Variants in FAM177A1 observed in about 807,000 individuals in gnomAD.
The protein encoded by FAM177A1 is family with sequence similarity 177 member A1.
In FAM177A1, 22 loss-of-function variants were observed where a neutral mutation model predicts 26.1. The observed-to-expected ratio is 0.84, with a 90% CI of 0.60 to 1.20. The LOEUF (loss-of-function observed/expected upper bound fraction) is 1.20. Ranked by LOEUF, FAM177A1 falls within the 50% of genes most tolerant of loss-of-function variation. The probability of loss-of-function intolerance (pLI) is 0.00; values close to 1 mark genes in which losing one functional copy is unlikely to be tolerated. For synonymous variants in FAM177A1, 95 were observed against 99.3 expected, an observed-to-expected ratio of 0.96 and a Z score of 0.26; for missense variants, 296 against 291.1, an observed-to-expected ratio of 1.02 and a Z score of -0.12.
chr14:35,058,054 T>TTTA (rs1185501722), intron 2 of FAM177A1, among the ~76,000 whole-genome samples: 111 of 151,780 alleles, frequency 7.3e-4, no homozygotes, highest in African/African-American at 1.9e-3. Flanking sequence ...TGTCCTACTT[T>TTTA]TTATTATTAT....
intron 2 of FAM177A1, among the ~76,000 whole-genome samples, chr14:35,067,539 A>G (rs1394307522): frequency 3.3e-5 from 5 of 152,302 alleles, no homozygotes; most frequent in Admixed American, 3.3e-4. Flanking sequence ...CTTTCAATAT[A>G]TATTCAGAAA....
chr14:35,050,895 C>G (rs747175166), intron 1 of FAM177A1: 2 of 152,082 alleles, frequency 1.3e-5, no homozygotes, highest in Non-Finnish European at 2.9e-5. Context: ...GTAGGGATGG[C>G]TGTCAGTGCC....
upstream of FAM177A1, among the ~76,000 whole-genome samples, chr14:35,045,392 GAGA>G (rs961519542): frequency 1.3e-5 from 2 of 152,268 alleles, no homozygotes. Context: ...AGAGGGTAAG[GAGA>G]AGAACTTTGG....
intron 2 of FAM177A1, among the ~76,000 whole-genome samples, chr14:35,071,369 A>C (rs2045319323): frequency 3.3e-5 from 5 of 152,210 alleles, no homozygotes; most frequent in Admixed American, 3.3e-4. Context: ...TGTTTTAATA[A>C]GAAAAGGTAG....
At chr14:35,070,511 G>T (rs1207936954) in intron 2 of FAM177A1, among the ~76,000 whole-genome samples, 1 of 151,690 alleles carries the variant, frequency 6.6e-6, no homozygotes, top group African/African-American at 2.4e-5. Context: ...TGTATTTTTG[G>T]TAGAGACAGG....
intron 2 of FAM177A1, among the ~76,000 whole-genome samples, chr14:35,062,678 CTT>C (rs1178835216): frequency 6.6e-6 from 1 of 151,750 alleles, no homozygotes. Context: ...TGCCTATAAT[CTT>C]TGCTTTGGAG....
Position 35,069,228 on chromosome 14 carries a change from T to C in FAM177A1, c.340-7922T>C, listed in dbSNP as rs533020261. Among the ~76,000 whole-genome samples, 5 of 152,162 alleles carry C rather than the reference T, an allele frequency of 3.3e-5. No homozygotes were observed. The East Asian group carries it at 7.7e-4, about 23-fold the overall frequency. On this transcript the variant is annotated intron_variant, in intron 2 of 4. Transcript: ENST00000280987. ...ACCATTACCAGCCAGTTTGAATGTA[T>C]CGTTGGGTTTCCTGCCATAGACCAA...
chr14:35,077,377 C>T (rs2045412391), intron 3 of FAM177A1, among the ~76,000 whole-genome samples, 161 bp downstream of exon 3: 1 of 150,690 alleles, frequency 6.6e-6, no homozygotes, highest in Admixed American at 6.6e-5. Flanking sequence ...CTAACTTGTA[C>T]TTCACATTAA....
At chr14:35,047,610 G>A (rs1007553982) in intron 1 of FAM177A1, among the ~76,000 whole-genome samples, 1 of 152,162 alleles carries the variant, frequency 6.6e-6, no homozygotes, top group East Asian at 1.9e-4. Flanking sequence ...TTAGCTGGGC[G>A]TGGTGGCGCT....
chr14:35,072,254 GAC>G (rs2045332969), intron 2 of FAM177A1, among the ~76,000 whole-genome samples: 1 of 151,944 alleles, frequency 6.6e-6, no homozygotes, highest in African/African-American at 2.4e-5. Context: ...CAGCCTGGGT[GAC>G]AAAGAAAAGA....
intron 2 of FAM177A1, among the ~76,000 whole-genome samples, chr14:35,071,071 A>G (rs2138560115): frequency 6.6e-6 from 1 of 150,646 alleles, no homozygotes; most frequent in African/African-American, 2.4e-5. Flanking sequence ...ATCTCAGCTC[A>G]CTGCAAGCTC....
intron 2 of FAM177A1, among the ~76,000 whole-genome samples, chr14:35,065,330 G>C (rs1240738954): frequency 6.8e-6 from 1 of 147,890 alleles, no homozygotes; most frequent in African/African-American, 2.5e-5. Flanking sequence ...AATGTATTCA[G>C]CCACTCAGGA....
intron 2 of FAM177A1, among the ~76,000 whole-genome samples, chr14:35,055,447 T>G (rs1048226619): frequency 8.6e-5 from 13 of 151,810 alleles, no homozygotes; most frequent in African/African-American, 7.3e-5. Flanking sequence ...AACTGTTTTT[T>G]TTTTTTTTTT....
intron 2 of FAM177A1, among the ~76,000 whole-genome samples, chr14:35,054,237 A>G (rs930690327): frequency 6.6e-6 from 1 of 152,152 alleles, no homozygotes; most frequent in Non-Finnish European, 1.5e-5. Flanking sequence ...AAACAAAACA[A>G]AAGTTTGCTT....
intron 1 of FAM177A1, among the ~76,000 whole-genome samples, chr14:35,048,965 A>G (rs1378393508): frequency 6.7e-6 from 1 of 149,366 alleles, no homozygotes; most frequent in Non-Finnish European, 1.5e-5. Context: ...ATCTTGGCTC[A>G]CTGCAACCTC....
At position 35,081,261 on chromosome 14, in the gene FAM177A1, G is replaced by GTTT; in HGVS notation, c.*43_*45dup. The GTTT allele has an allele frequency of 4.6e-5, 57 of 1,250,598 alleles. No individual in the cohort carries two copies. Among genetic ancestry groups the GTTT allele is most frequent in the Admixed American group, 1.4e-4 (5 of 35,994 alleles). 77.5% of individuals were successfully genotyped at this position (1,250,598 alleles called of 1,614,324 possible). A position where few individuals can be genotyped will look rare whatever the true frequency, so the allele number is the denominator to read the frequency against. ...TGACTATCAAGCTTCAAACTCTTAA[G>GTTT]TTTTTTTTTTTTAATACAAAAACTT... On this transcript the variant is annotated 3_prime_UTR_variant, in exon 5 of 5. Transcript: ENST00000280987.
At chr14:35,075,868 CAG>C (rs2045386573) in intron 2 of FAM177A1, among the ~76,000 whole-genome samples, 1 of 152,206 alleles carries the variant, frequency 6.6e-6, no homozygotes, top group African/African-American at 2.4e-5. Context: ...CACTGGCCAT[CAG>C]AGAAATGCAA....
At chr14:35,072,671 C>G (rs2045340422) in intron 2 of FAM177A1, among the ~76,000 whole-genome samples, 2 of 152,132 alleles carry the variant, frequency 1.3e-5, no homozygotes, top group Admixed American at 1.3e-4. Context: ...GCCCTTCTGC[C>G]AGATTGTCTA....
intron 1 of FAM177A1, 44 bp from the exon 2 acceptor site, chr14:35,053,234 T>G (rs1238725259): frequency 2.0e-6 from 3 of 1,534,998 alleles, no homozygotes; most frequent in Non-Finnish European, 2.6e-6. Context: ...GAAAGAAAAT[T>G]AATCTCACTT....
Sources: gnomAD v4.1 joint callset for allele counts (sites outside exome capture counted in the v4.1 genomes callset) on GRCh38, gnomAD v4.1.1 for gene constraint, MANE v1.5 for transcripts, NCBI Gene and HGNC (gene_info 2026-07-23, HGNC 2026-07-21) for gene names.